MLLT3: variants seen among roughly 807,000 people sequenced by gnomAD.
MLLT3 encodes the protein MLLT3 super elongation complex subunit.
MLLT3 carries 4 observed loss-of-function variants against 53.2 expected under a neutral mutation model. The ratio of observed to expected loss-of-function variants is 0.08; its 90% CI spans 0.04 to 0.17. The LOEUF (loss-of-function observed/expected upper bound fraction) is 0.17. MLLT3 is among the 10% of genes least tolerant of loss of function. MLLT3 has a pLI of 1.00. For synonymous variants in MLLT3, 283 were observed against 230.6 expected (o/e 1.23, Z -2.06); for missense variants, 569 against 684.0 (o/e 0.83, Z 1.87).
intron 4 of MLLT3, among the ~76,000 whole-genome samples, chr9:20,414,768 T>C (rs1822830796): frequency 1.3e-5 from 2 of 152,164 alleles, no homozygotes; most frequent in African/African-American, 4.8e-5. Context: ...TTAATAACTA[T>C]GACGTATCTA....
In MLLT3 at chr9:20,360,008, C is replaced by T. The variant is rs1226849213; in HGVS notation, c.1431+734G>A. Reference sequence around the variant, plus strand: ...AACAAATGCTCTTTATCATAGCCTTCAAAGTTCTGCCTAGATCTTATCCAA... The same window carrying T: ...AACAAATGCTCTTTATCATAGCCTTTAAAGTTCTGCCTAGATCTTATCCAA... On this transcript the variant is annotated intron_variant, in intron 8 of 10. Coordinates refer to ENST00000380338, the MANE Select transcript of MLLT3 (RefSeq NM_004529.4). 2.0e-5 allele frequency among the ~76,000 whole-genome samples: 3 copies of T among 152,190 alleles called. No homozygotes were observed. In the South Asian group the frequency reaches 6.2e-4, roughly 31 times the overall value.
intron 5 of MLLT3, among the ~76,000 whole-genome samples, chr9:20,393,039 C>T (rs1822227038): frequency 6.6e-6 from 1 of 152,016 alleles, no homozygotes; most frequent in Non-Finnish European, 1.5e-5. Flanking sequence ...CCTGTAATCC[C>T]AGCTACTTAG....
intron 2 of MLLT3, among the ~76,000 whole-genome samples, chr9:20,534,788 G>C (rs547116935): frequency 6.6e-6 from 1 of 152,014 alleles, no homozygotes; most frequent in Admixed American, 6.6e-5. Context: ...TGGGAGGCTG[G>C]GGCAGGAGAA....
intron 4 of MLLT3, among the ~76,000 whole-genome samples, chr9:20,420,622 CAAT>C (rs1360830982): frequency 6.6e-6 from 1 of 152,094 alleles, no homozygotes; most frequent in Non-Finnish European, 1.5e-5. Context: ...TCATAAAACA[CAAT>C]GAGTACAGAC....
rs533859569 is a variant in MLLT3, at chr9:20,355,618, G to T, written c.1432-739C>A. Among the ~76,000 whole-genome samples, 202 of 152,304 alleles carry T rather than the reference G, an allele frequency of 1.3e-3. 5 individuals are homozygous for T. Among genetic ancestry groups the T allele is most frequent in the African/African-American group, 4.7e-3 (194 of 41,564 alleles). ...TTTCTTTGACAGCATCTTCAAAACT[G>T]AGGATTAAAAGGGAAGTATTTTTAA... On this transcript the variant is annotated intron_variant, in intron 8 of 10. Coordinates refer to ENST00000380338, the MANE Select transcript of MLLT3 (RefSeq NM_004529.4).
At chr9:20,351,074 G>C (rs900983499) in intron 10 of MLLT3, among the ~76,000 whole-genome samples, 1 of 152,172 alleles carries the variant, frequency 6.6e-6, no homozygotes, top group Non-Finnish European at 1.5e-5. Flanking sequence ...CCTTGGTTAA[G>C]GGATAGGCCA....
chr9:20,477,916 C>T (rs966545035), intron 2 of MLLT3, among the ~76,000 whole-genome samples: 4 of 152,210 alleles, frequency 2.6e-5, no homozygotes, highest in African/African-American at 9.6e-5. Context: ...CTGGATTTAA[C>T]AATTTAGGAT....
intron 2 of MLLT3, among the ~76,000 whole-genome samples, chr9:20,595,333 T>C (rs1244107034): frequency 6.6e-6 from 1 of 152,048 alleles, no homozygotes; most frequent in Non-Finnish European, 1.5e-5. Context: ...TACATACCAC[T>C]GCACTCCAGC....
At chr9:20,391,368 C>T (rs1224525059) in intron 5 of MLLT3, among the ~76,000 whole-genome samples, 1 of 152,106 alleles carries the variant, frequency 6.6e-6, no homozygotes, top group Non-Finnish European at 1.5e-5. Flanking sequence ...ACAAGGTAAA[C>T]AAGATAAGGT....
chr9:20,566,718 G>A (rs1408713453), intron 2 of MLLT3, among the ~76,000 whole-genome samples: 3 of 151,818 alleles, frequency 2.0e-5, no homozygotes, highest in Admixed American at 6.6e-5. Flanking sequence ...GGTCTTCTGG[G>A]GACTTCAGAA....
chr9:20,398,095 T>C (rs1173173867), intron 5 of MLLT3, among the ~76,000 whole-genome samples: 1 of 152,058 alleles, frequency 6.6e-6, no homozygotes. Flanking sequence ...ACAATGAATA[T>C]TTTTAATTTT....
chr9:20,558,217 A>T (rs769902668), intron 2 of MLLT3, among the ~76,000 whole-genome samples: 1 of 152,230 alleles, frequency 6.6e-6, no homozygotes, highest in Non-Finnish European at 1.5e-5. Context: ...TATCTTCAGG[A>T]AAGAATGTTT....
chr9:20,365,912 G>A (rs1344348671), intron 5 of MLLT3, among the ~76,000 whole-genome samples, 168 bp from the exon 6 acceptor site: 2 of 152,114 alleles, frequency 1.3e-5, no homozygotes, highest in African/African-American at 4.8e-5. Context: ...TGTGCCCACT[G>A]TATTTTTATT....
At chr9:20,617,227 T>C (rs944735215) in intron 2 of MLLT3, among the ~76,000 whole-genome samples, 1 of 152,184 alleles carries the variant, frequency 6.6e-6, no homozygotes, top group Non-Finnish European at 1.5e-5. Flanking sequence ...CTTCAGCTAG[T>C]AAGCCCTCAA....
chr9:20,549,522 C>A (rs1164847749), intron 2 of MLLT3, among the ~76,000 whole-genome samples: 1 of 152,166 alleles, frequency 6.6e-6, no homozygotes, highest in Non-Finnish European at 1.5e-5. Context: ...ATCTGCCCAA[C>A]AACTCTAGAA....
intron 2 of MLLT3, among the ~76,000 whole-genome samples, chr9:20,501,989 G>A (rs1203876899): frequency 6.7e-6 from 1 of 148,656 alleles, no homozygotes; most frequent in Non-Finnish European, 1.5e-5. Context: ...GCTAAGGCAG[G>A]AGATTCACTT....
At chr9:20,532,892 C>T in intron 2 of MLLT3, 1 of 256,590 alleles carries the variant, frequency 3.9e-6, no homozygotes, top group Non-Finnish European at 7.5e-6. Context: ...AGAAGCAGAG[C>T]TTGTTGGCCT....
chr9:20,423,762 T>C (rs1368584412), intron 4 of MLLT3, among the ~76,000 whole-genome samples: 2 of 150,780 alleles, frequency 1.3e-5, no homozygotes, highest in East Asian at 1.9e-4. Flanking sequence ...GCCTGGGCAA[T>C]ATAGTGAGAC....
At chr9:20,420,656 A>T (rs912906969) in intron 4 of MLLT3, among the ~76,000 whole-genome samples, 9 of 152,190 alleles carry the variant, frequency 5.9e-5, no homozygotes, top group African/African-American at 2.2e-4. Context: ...TGACCAAAAC[A>T]ACCCACACGC....
Sources: allele counts gnomAD v4.1 joint callset (sites outside exome capture counted in the v4.1 genomes callset), GRCh38; gene constraint gnomAD v4.1.1; transcripts MANE v1.5; gene names NCBI Gene and HGNC (gene_info 2026-07-23, HGNC 2026-07-21).